MSRA: variants seen among roughly 807,000 people sequenced by gnomAD.
The protein encoded by MSRA is mitochondrial peptide methionine sulfoxide reductase.
In MSRA, 54 loss-of-function variants were observed where a neutral mutation model predicts 31.3. That is an observed-to-expected ratio of 1.73 (90% CI 1.39 to 2.17). The LOEUF is 2.17. Among genes scored for constraint, MSRA ranks in the 30% most tolerant of loss-of-function variants. The pLI is 0.00. For missense variants in MSRA, 507 were observed against 300.9 expected (o/e 1.69, Z -5.07); for synonymous variants, 169 against 116.5 (o/e 1.45, Z -2.90).
intron 1 of MSRA, among the ~76,000 whole-genome samples, chr8:10,138,785 A>C (rs751632689): frequency 6.6e-6 from 1 of 152,186 alleles, no homozygotes; most frequent in Admixed American, 6.5e-5. Flanking sequence ...ATCTTAGTAC[A>C]ACTGTGCTAG....
chr8:10,156,700 G>A (rs1294582721), intron 1 of MSRA, among the ~76,000 whole-genome samples: 1 of 151,840 alleles, frequency 6.6e-6, no homozygotes, highest in African/African-American at 2.4e-5. Flanking sequence ...CCCTACCAGA[G>A]AAATGTGAAT....
intron 1 of MSRA, among the ~76,000 whole-genome samples, chr8:10,134,203 G>C (rs1984863): frequency 0.21 from 32,364 of 152,106 alleles, 4,587 homozygotes; most frequent in East Asian, 0.56. Context: ...CCGACCTCCT[G>C]TGTTCACTCT....
At chr8:10,215,754 C>G (rs751031830) in intron 2 of MSRA, among the ~76,000 whole-genome samples, 1 of 152,168 alleles carries the variant, frequency 6.6e-6, no homozygotes, top group African/African-American at 2.4e-5. Flanking sequence ...CTATATTTCT[C>G]TTTTGGCCTC....
At chr8:10,368,314 A>G (rs1022557677) in intron 5 of MSRA, among the ~76,000 whole-genome samples, 5 of 152,254 alleles carry the variant, frequency 3.3e-5, no homozygotes, top group Non-Finnish European at 7.3e-5. Context: ...GATCAGGAGA[A>G]TCCAAATTTA....
At chr8:10,183,660 T>A (rs538834885) in intron 1 of MSRA, among the ~76,000 whole-genome samples, 1 of 152,266 alleles carries the variant, frequency 6.6e-6, no homozygotes, top group East Asian at 1.9e-4. Context: ...ACACTTTCTT[T>A]TTTCAATCTT....
In MSRA at chr8:10,305,369, C is replaced by T. The variant is rs929712771; in HGVS notation, c.436+3731C>T. Among the ~76,000 whole-genome samples, 160 of 151,336 alleles carry T rather than the reference C, an allele frequency of 1.1e-3. 15 individuals carry two copies. Among genetic ancestry groups the T allele is most frequent in the Non-Finnish European group, 1.2e-4 (8 of 67,946 alleles). On this transcript the variant is annotated intron_variant, in intron 4 of 5. Transcript: ENST00000317173. ...CTGAAGCAGCTCTCATAGTATCTGC[C>T]CTAATGGACATCTAGATGAAGTCCC... is the stretch of plus-strand genomic sequence containing the variant.
intron 1 of MSRA, among the ~76,000 whole-genome samples, chr8:10,058,502 T>G (rs775494119): frequency 6.6e-6 from 1 of 152,236 alleles, no homozygotes; most frequent in Non-Finnish European, 1.5e-5. Context: ...GCAGGTTGAT[T>G]TTTATAGAAG....
chr8:10,227,090 A>T (rs951984232), intron 2 of MSRA, among the ~76,000 whole-genome samples: 2 of 152,196 alleles, frequency 1.3e-5, no homozygotes, highest in Non-Finnish European at 2.9e-5. Flanking sequence ...TCCTTCAGAG[A>T]TACAGACACA....
In MSRA at chr8:10,295,272, A is replaced by G. The variant is rs142796830; in HGVS notation, c.332-6262A>G. Among the ~76,000 whole-genome samples, 816 of 152,176 alleles carry G rather than the reference A, an allele frequency of 5.4e-3. 6 individuals carry two copies. The highest frequency in any genetic ancestry group is 0.028 in the South Asian group (137 of 4,808). Reference sequence around the variant, plus strand: ...CAGCTCCACCTGACTTCAAGGCTCAAGCAGTGGACACACACCTTTAAGGAA... The same window carrying G: ...CAGCTCCACCTGACTTCAAGGCTCAGGCAGTGGACACACACCTTTAAGGAA... On this transcript the variant is annotated intron_variant, in intron 3 of 5. Transcript: ENST00000317173.
At chr8:10,348,819 G>C (rs918782939) in intron 5 of MSRA, among the ~76,000 whole-genome samples, 4 of 152,202 alleles carry the variant, frequency 2.6e-5, no homozygotes, top group Admixed American at 6.5e-5. Flanking sequence ...GGATCTGCAG[G>C]GTCTTGGCAG....
intron 2 of MSRA, among the ~76,000 whole-genome samples, chr8:10,221,824 G>A (rs1340909504): frequency 6.6e-6 from 1 of 152,098 alleles, no homozygotes; most frequent in Non-Finnish European, 1.5e-5. Flanking sequence ...ACCTGAGACA[G>A]GTTGTTTTGC....
At chr8:10,205,347 T>C (rs552000317) in intron 1 of MSRA, among the ~76,000 whole-genome samples, 4 of 152,118 alleles carry the variant, frequency 2.6e-5, no homozygotes, top group African/African-American at 9.6e-5. Flanking sequence ...GGACAGTCGC[T>C]GGCTGTGGTG....
At chr8:10,345,349 C>A (rs1420724744) in intron 5 of MSRA, among the ~76,000 whole-genome samples, 1 of 152,124 alleles carries the variant, frequency 6.6e-6, no homozygotes, top group African/African-American at 2.4e-5. Context: ...TAAGGAGGGC[C>A]AGCCTGAGTT....
chr8:10,123,576 A>G (rs1305114439), intron 1 of MSRA, among the ~76,000 whole-genome samples: 1 of 152,088 alleles, frequency 6.6e-6, no homozygotes, highest in African/African-American at 2.4e-5. Flanking sequence ...TGGCATCTTC[A>G]TTATGAAATC....
At chr8:10,302,976 G>A (rs577477421) in intron 4 of MSRA, among the ~76,000 whole-genome samples, 1 of 152,354 alleles carries the variant, frequency 6.6e-6, no homozygotes, top group Admixed American at 6.5e-5. Flanking sequence ...GGTTCTGCAG[G>A]AAGCTCTGCA....
chr8:10,373,099 C>T (rs761602997), intron 5 of MSRA, among the ~76,000 whole-genome samples: 2 of 152,220 alleles, frequency 1.3e-5, no homozygotes, highest in Non-Finnish European at 1.5e-5. Flanking sequence ...CCATGTTGGC[C>T]AGGCTGGTCT....
At chr8:10,213,969 G>C (rs1055668607) in intron 2 of MSRA, among the ~76,000 whole-genome samples, 8 of 152,086 alleles carry the variant, frequency 5.3e-5, no homozygotes, top group East Asian at 1.9e-4. Flanking sequence ...ATACCAAGCA[G>C]CAACAGCAGA....
At chr8:10,152,400 G>A (rs1338790371) in intron 1 of MSRA, among the ~76,000 whole-genome samples, 1 of 152,170 alleles carries the variant, frequency 6.6e-6, no homozygotes, top group Non-Finnish European at 1.5e-5. Context: ...AAGACCGAGA[G>A]CCAGTGTGTG....
At position 10,392,888 on chromosome 8, in the gene MSRA, TGCAAAA is replaced by T. The variant is rs1272070636; in HGVS notation, c.544-35259_544-35254del. ...GGTAAAACCCCGTCTCTACTAAAAATGCAAAAAAAAAAAAAAAAAAAAAATTAGCCG... is the reference window on the plus strand; with the variant it reads ...GGTAAAACCCCGTCTCTACTAAAAATAAAAAAAAAAAAAAAAAATTAGCCG... On this transcript the variant is annotated intron_variant, in intron 5 of 5. Coordinates refer to ENST00000317173, the MANE Select transcript of MSRA (RefSeq NM_012331.5). Among the ~76,000 whole-genome samples the T allele has an allele frequency of 8.4e-3, 71 of 8,404 alleles. 1 individual carries two copies. The highest frequency in any genetic ancestry group is 0.026 in the African/African-American group (61 of 2,314). 5.5% of individuals were successfully genotyped at this position (8,404 alleles called of 152,430 possible). A position where few individuals can be genotyped will look rare whatever the true frequency, so the allele number is the denominator to read the frequency against.
Sources: allele counts gnomAD v4.1 joint callset (sites outside exome capture counted in the v4.1 genomes callset), GRCh38; gene constraint gnomAD v4.1.1; transcripts MANE v1.5; gene names NCBI Gene and HGNC (gene_info 2026-07-23, HGNC 2026-07-21).